ADCY5: variants seen among roughly 807,000 people sequenced by gnomAD.
ADCY5 encodes the protein adenylate cyclase 5.
ADCY5 carries 30 observed loss-of-function variants against 119.7 expected under a neutral mutation model. That is an observed-to-expected ratio of 0.25 (90% confidence interval 0.19 to 0.34). The LOEUF is 0.34. ADCY5 is among the 10% of genes least tolerant of loss of function. The pLI is 1.00. For missense variants in ADCY5, 1,324 were observed against 1,775.2 expected (o/e 0.75, Z 4.57); for synonymous variants, 753 against 762.2 (o/e 0.99, Z 0.20).
intron 1 of ADCY5, among the ~76,000 whole-genome samples, chr3:123,356,207 CAT>C (rs1428064207): frequency 6.6e-6 from 1 of 152,072 alleles, no homozygotes; most frequent in Non-Finnish European, 1.5e-5. Flanking sequence ...TAGAAGAAAA[CAT>C]AGGGATAAAT....
intron 1 of ADCY5, among the ~76,000 whole-genome samples, chr3:123,437,550 A>T (rs1267612422): frequency 6.6e-6 from 1 of 152,136 alleles, no homozygotes; most frequent in African/African-American, 2.4e-5. Context: ...CGGAATAAAA[A>T]ATGTCTTCCT....
In ADCY5 at chr3:123,282,477, G is replaced by A. The variant is rs1390000932; in HGVS notation, c.*2131C>T. ...CCAGTCACTGCTGGGATGGGAGAGG[G>A]GTCCCCATGGGGCCGGGAAGCCATG... On this transcript the variant is annotated 3_prime_UTR_variant, in exon 21 of 21. Coordinates refer to ENST00000462833, the MANE Select transcript of ADCY5 (RefSeq NM_183357.3). The A allele has an allele frequency of 2.6e-5, 4 of 152,398 alleles. No homozygotes were observed. The highest frequency in any genetic ancestry group is 4.4e-5 in the Non-Finnish European group (3 of 68,182). 9.4% of individuals were successfully genotyped at this position (152,398 alleles called of 1,614,324 possible). A position where few individuals can be genotyped will look rare whatever the true frequency, so the allele number is the denominator to read the frequency against.
chr3:123,315,279 G>A (rs751104579), intron 11 of ADCY5, among the ~76,000 whole-genome samples: 5 of 152,242 alleles, frequency 3.3e-5, no homozygotes, highest in Admixed American at 6.5e-5. Flanking sequence ...CAAAAGCCCG[G>A]CACTTAGCTG....
At position 123,297,376 on chromosome 3, in the gene ADCY5, G is replaced by A. The variant is rs1325588992; in HGVS notation, c.2907C>T (p.Phe969=). Residue 969 remains phenylalanine (F), a synonymous_variant, in exon 16 of 21, where the codon TTC becomes TTT. Transcript: ENST00000462833. ...DLLVTANAID[F]FNNGTSQCPE... ...ACCACTGGGAGGTCCCGTTGTTGAA[G>A]AAGTCTCTGTGAAGAGAGTTGGGGA... 2 of 1,613,940 alleles carry A rather than the reference G, an allele frequency of 1.2e-6. No individual in the cohort carries two copies. The highest frequency in any genetic ancestry group is 1.3e-5 in the African/African-American group (1 of 74,928).
intron 1 of ADCY5, among the ~76,000 whole-genome samples, chr3:123,392,804 C>T (rs1944433987): frequency 6.6e-6 from 1 of 152,056 alleles, no homozygotes; most frequent in Non-Finnish European, 1.5e-5. Context: ...CCAGGCCTCA[C>T]TAAAGACTCT....
In ADCY5 at chr3:123,303,832, GAAAGA is replaced by G. The variant is rs201542300; in HGVS notation, c.2559+230_2559+234del. On this transcript the variant is annotated intron_variant, in intron 13 of 20. Transcript: ENST00000462833. ...AGAGTAAGACTCTGTCTCAAAACTG[GAAAGA>G]AAAGAGAAGAGAAGAGAAGAGAAGA... Among the ~76,000 whole-genome samples, 6,106 of 106,558 alleles carry G rather than the reference GAAAGA, an allele frequency of 0.057. 128 individuals carry two copies. The highest frequency in any genetic ancestry group is 0.077 in the Non-Finnish European group (3,653 of 47,322). 69.9% of individuals were successfully genotyped at this position (106,558 alleles called of 152,430 possible). A position where few individuals can be genotyped will look rare whatever the true frequency, so the allele number is the denominator to read the frequency against.
At chr3:123,296,997 A>G in intron 16 of ADCY5, 1 of 1,536,022 alleles carries the variant, frequency 6.5e-7, no homozygotes, top group Non-Finnish European at 8.7e-7. Context: ...CCTTGACTCC[A>G]GAGGGAAAGT....
intron 20 of ADCY5, among the ~76,000 whole-genome samples, chr3:123,285,739 C>T (rs1156990648): frequency 6.6e-6 from 1 of 152,224 alleles, no homozygotes; most frequent in Non-Finnish European, 1.5e-5. Flanking sequence ...CTTGGAAACA[C>T]ACATGCCCCT....
At chr3:123,287,021 C>T (rs1938819176) in intron 19 of ADCY5, 1 of 553,864 alleles carries the variant, frequency 1.8e-6, no homozygotes, top group Non-Finnish European at 3.0e-6. Flanking sequence ...GCACCTGTGT[C>T]CTCGACACCC....
At chr3:123,335,377 C>T (rs1390584896) in intron 3 of ADCY5, among the ~76,000 whole-genome samples, 7 of 152,166 alleles carry the variant, frequency 4.6e-5, no homozygotes, top group Admixed American at 4.6e-4. Context: ...CATCATAAAA[C>T]GTACATTTTA....
At chr3:123,332,747 A>G (rs1941821340) in intron 3 of ADCY5, 72 bp from the exon 4 acceptor site, 1 of 1,017,656 alleles carries the variant, frequency 9.8e-7, no homozygotes, top group African/African-American at 1.6e-5. Context: ...CATACATTAC[A>G]TCTTTTTTTT....
chr3:123,387,472 C>T (rs1242732790), intron 1 of ADCY5, among the ~76,000 whole-genome samples: 1 of 152,150 alleles, frequency 6.6e-6, no homozygotes, highest in Non-Finnish European at 1.5e-5. Context: ...AGGATTTTAT[C>T]AGCACAGCAG....
chr3:123,343,046 T>A (rs1164263215), intron 3 of ADCY5, among the ~76,000 whole-genome samples: 1 of 152,220 alleles, frequency 6.6e-6, no homozygotes, highest in African/African-American at 2.4e-5. Context: ...CCTCTGTGCC[T>A]TTTATCACAA....
Position 123,331,381 on chromosome 3 carries a change from A to G in ADCY5, c.1519-365T>C, listed in dbSNP as rs1047322664. 1.3e-4 allele frequency among the ~76,000 whole-genome samples: 20 copies of G among 152,348 alleles called. 1 individual carries two copies. Among genetic ancestry groups the G allele is most frequent in the African/African-American group, 4.8e-4 (20 of 41,582 alleles). On this transcript the variant is annotated intron_variant, in intron 4 of 20. Transcript: ENST00000462833. ...AAGGAAGGCCCCAAGCCCCAGTACAAGGGTCTCTGGTCCCCTCCACACCCC... is the reference window on the plus strand; with the variant it reads ...AAGGAAGGCCCCAAGCCCCAGTACAGGGGTCTCTGGTCCCCTCCACACCCC...
chr3:123,377,741 C>A (rs890391872), intron 1 of ADCY5, among the ~76,000 whole-genome samples: 39 of 152,058 alleles, frequency 2.6e-4, no homozygotes, highest in African/African-American at 9.4e-4. Flanking sequence ...TAGCACAATG[C>A]CAACCTGGTG....
intron 8 of ADCY5, 152 bp downstream of exon 8, chr3:123,325,170 A>T: frequency 1.0e-6 from 1 of 991,938 alleles, no homozygotes; most frequent in Non-Finnish European, 1.5e-6. Context: ...CCCTACTCCT[A>T]GTCCAAAGTT....
chr3:123,297,290 G>A, intron 16 of ADCY5, 63 bp downstream of exon 16: 2 of 1,587,424 alleles, frequency 1.3e-6, no homozygotes, highest in South Asian at 2.2e-5. Flanking sequence ...GGCACCAGCT[G>A]CCCTCCCTGT....
chr3:123,442,914 C>T (rs1374300276), intron 1 of ADCY5, among the ~76,000 whole-genome samples: 1 of 152,216 alleles, frequency 6.6e-6, no homozygotes, highest in African/African-American at 2.4e-5. Flanking sequence ...CACTCGAAAC[C>T]CAAAGCCAAC....
chr3:123,367,143 C>A (rs1943470581), intron 1 of ADCY5, among the ~76,000 whole-genome samples: 1 of 152,232 alleles, frequency 6.6e-6, no homozygotes, highest in African/African-American at 2.4e-5. Flanking sequence ...TGGGGAATCC[C>A]AGAGGAAGCC....
Sources: gnomAD v4.1 joint callset for allele counts (sites outside exome capture counted in the v4.1 genomes callset) on GRCh38, gnomAD v4.1.1 for gene constraint, MANE v1.5 for transcripts, NCBI Gene and HGNC (gene_info 2026-07-23, HGNC 2026-07-21) for gene names.